The following TBC1D2B variants were observed in gnomAD, a reference collection of about 807,000 sequenced individuals.
The protein encoded by TBC1D2B is TBC1 domain family, member 2B.
In TBC1D2B, 64 loss-of-function variants were observed where a neutral mutation model predicts 100.8. That is an observed-to-expected ratio of 0.64 (90% CI 0.52 to 0.78). The LOEUF (loss-of-function observed/expected upper bound fraction) is 0.78. Ranked by LOEUF, TBC1D2B falls within the 30% of genes least tolerant of loss-of-function variation. The probability of loss-of-function intolerance (pLI) is 0.00; values close to 1 mark genes in which losing one functional copy is unlikely to be tolerated. For synonymous variants in TBC1D2B, 480 were observed against 479.7 expected (o/e 1.00, Z -0.01); for missense variants, 1,052 against 1,218.4 (o/e 0.86, Z 2.03).
chr15:78,034,734 C>T (rs1381457662), intron 3 of TBC1D2B: 1 of 985,336 alleles, frequency 1.0e-6, no homozygotes, highest in Non-Finnish European at 1.2e-6. Flanking sequence ...TGCTACTTGT[C>T]AAGTCCTGGA....
At chr15:78,050,458 T>C (rs2073290584) in intron 2 of TBC1D2B, among the ~76,000 whole-genome samples, 1 of 152,230 alleles carries the variant, frequency 6.6e-6, no homozygotes, top group African/African-American at 2.4e-5. Context: ...TGTTTTCTTA[T>C]TAGTTTATGT....
At position 78,077,263 on chromosome 15, in the gene TBC1D2B, C is replaced by T. The variant is rs544367420; in HGVS notation, c.360+30G>A. ...GAGGCAGGGGACGCCGGCGGAAGCG[C>T]GCGGGCGGCTTTGGGGCGAGCGGTC... On this transcript the variant is annotated intron_variant, in intron 1 of 12. Transcript: ENST00000300584. 1,892 of 1,405,940 alleles carry T rather than the reference C, an allele frequency of 1.3e-3. 29 individuals carry two copies. In the South Asian group the frequency reaches 0.02, roughly 15 times the overall value. 87.1% of individuals were successfully genotyped at this position (1,405,940 alleles called of 1,614,324 possible).
Position 78,009,109 on chromosome 15 carries a change from A to G in TBC1D2B, c.2276T>C (p.Val759Ala), listed in dbSNP as rs138379500. 22 of 1,595,044 alleles carry G rather than the reference A, an allele frequency of 1.4e-5. No individual in the cohort carries two copies. In the East Asian group the frequency reaches 4.7e-4, roughly 34 times the overall value. ...IGYCQGLNRL[V>A]AVALLYLEQE... is the part of the protein sequence containing the mutation. ...TTCCAGGTACAGGAGGGCCACTGCC[A>G]CCAACCTACAAGCAAAGGGAGGACA... Residue 759 changes from valine (V) to alanine (A), a missense_variant, in exon 10 of 13, where the codon GTG becomes GCG. Around this residue, in one of 4 missense-constraint regions of TBC1D2B, gnomAD observed 373 missense variants for 464.9 expected, o/e 0.80. Transcript: ENST00000300584.
rs1355777220 is a variant in TBC1D2B at position 77,996,707 on chromosome 15, C to CA, written c.*1452dup. 3.3e-5 allele frequency: 5 copies of CA among 152,262 alleles called. No individual in the cohort carries two copies. The Middle Eastern group carries it at 0.01, about 311-fold the overall frequency. The allele number at this position is 152,262 out of a possible 1,614,324, so 9.4% of individuals were successfully genotyped here. A position where few individuals can be genotyped will look rare whatever the true frequency, so the allele number is the denominator to read the frequency against. ...CGTGGCATTGCCAAAAAGTTGACAG[C>CA]AAAAAATAGGAAAAATACTTCTTAA... On this transcript the variant is annotated 3_prime_UTR_variant, in exon 13 of 13. Coordinates refer to ENST00000300584, the MANE Select transcript of TBC1D2B (RefSeq NM_144572.2).
rs148988188 is a variant in TBC1D2B at position 78,060,755 on chromosome 15, A to G, written c.361-6568T>C. The stretch of plus-strand genomic sequence containing the variant: ...AACATGGTGAAACCTCGTCTCTATT[A>G]AAAATACCAAAATTAGCCAGGTGTG... On this transcript the variant is annotated intron_variant, in intron 1 of 12. Coordinates refer to ENST00000300584, the MANE Select transcript of TBC1D2B (RefSeq NM_144572.2). 5.7e-3 allele frequency among the ~76,000 whole-genome samples: 868 copies of G among 152,088 alleles called. 8 individuals are homozygous for G. The highest frequency in any genetic ancestry group is 0.018 in the African/African-American group (747 of 41,450).
chr15:78,013,591 G>T (rs1200276999), intron 8 of TBC1D2B, among the ~76,000 whole-genome samples: 4 of 151,982 alleles, frequency 2.6e-5, no homozygotes, highest in Admixed American at 2.6e-4. Context: ...AATATGAAAC[G>T]CATGGAAGAA....
rs762395348 is a variant in TBC1D2B at position 78,017,927 on chromosome 15, T to C, written c.1501A>G (p.Lys501Glu). The stretch of plus-strand genomic sequence containing the variant: ...TCCAAAATCTCCTTATTTAGAAATT[T>C]GTTTTGGGTTTTGTACCCCTGTAGA... ...DNLQGYKTQN[K>E]FLNKEILELS... Residue 501 changes from lysine to glutamate, a missense_variant, in exon 7 of 13, where the codon AAA becomes GAA. By Grantham distance (56) the Lys-to-Glu change is moderately conservative. Transcript: ENST00000300584. 32 of 1,608,498 alleles carry C rather than the reference T, an allele frequency of 2.0e-5. No homozygotes were observed. The Admixed American group carries it at 2.5e-4, about 13-fold the overall frequency.
intron 1 of TBC1D2B, among the ~76,000 whole-genome samples, chr15:78,075,605 G>A (rs565889334): frequency 2.7e-4 from 41 of 152,280 alleles, no homozygotes; most frequent in Middle Eastern, 3.4e-3. Context: ...GGGACAGCCC[G>A]TATGTACACT....
At chr15:78,053,988 G>C in intron 2 of TBC1D2B, 46 bp downstream of exon 2, 1 of 1,569,562 alleles carries the variant, frequency 6.4e-7, no homozygotes, top group Non-Finnish European at 8.6e-7. Context: ...GGTATCGAAT[G>C]GCTTACACAA....
rs1266644412 is a variant in TBC1D2B at position 78,077,525 on chromosome 15, T to C, written c.128A>G (p.Lys43Arg). Residue 43 changes from lysine (K) to arginine (R), a missense_variant, in exon 1 of 13, where the codon AAG becomes AGG. Lys to Arg is a conservative substitution (Grantham distance 26). Coordinates refer to ENST00000300584, the MANE Select transcript of TBC1D2B (RefSeq NM_144572.2). The part of the protein sequence containing the change: ...EPARLCGYLQ[K>R]LSGKGPLRGY... ...ACGCAGGGGGCCCTTGCCCGACAGC[T>C]TCTGCAGATAGCCACACAGCCGCGC... is the stretch of plus-strand genomic sequence containing the variant. The C allele has an allele frequency of 8.5e-6, 13 of 1,522,266 alleles. No individual in the cohort carries two copies. The highest frequency in any genetic ancestry group is 4.9e-5 in the South Asian group (4 of 81,338). 94.3% of individuals were successfully genotyped at this position (1,522,266 alleles called of 1,614,324 possible).
chr15:78,033,970 CAA>C (rs2072882871), intron 3 of TBC1D2B, among the ~76,000 whole-genome samples: 1 of 152,216 alleles, frequency 6.6e-6, no homozygotes, highest in African/African-American at 2.4e-5. Context: ...ACTGCTTTAA[CAA>C]AGAGTCACCA....
At chr15:78,030,234 T>C in intron 3 of TBC1D2B, 64 bp from the exon 4 acceptor site, 1 of 1,420,488 alleles carries the variant, frequency 7.0e-7, no homozygotes, top group Admixed American at 2.4e-5. Flanking sequence ...TAATCTCATG[T>C]ATATAGGATT....
chr15:78,024,186 G>C lies in TBC1D2B; in HGVS notation c.1440C>G (p.Ala480=), dbSNP rs371924190. The C allele has an allele frequency of 1.3e-5, 21 of 1,613,466 alleles. No individual in the cohort carries two copies. Among genetic ancestry groups the C allele is most frequent in the Non-Finnish European group, 1.8e-5 (21 of 1,179,816 alleles). Residue 480 remains alanine, a synonymous_variant, in exon 6 of 13, where the codon GCC becomes GCG. Coordinates refer to ENST00000300584, the MANE Select transcript of TBC1D2B (RefSeq NM_144572.2). ...GCCTGTCCAGTTCCAGCTGGTCCCT[G>C]GCAACAGGCACAACCGAAGGGGAGC... ...APSSPSVVPV[A]RDQLELDRLK...
At position 78,077,394 on chromosome 15, in the gene TBC1D2B, C is replaced by A; in HGVS notation, c.259G>T (p.Ala87Ser). The part of the protein sequence containing the change: ...LPLGHLDIAD[A>S]CFSYQGPDEA... Reference sequence around the variant, plus strand: ...TCGGGGCCCTGGTAGCTGAAGCAGGCGTCCGCGATGTCCAAGTGGCCGAGG... The same window carrying A: ...TCGGGGCCCTGGTAGCTGAAGCAGGAGTCCGCGATGTCCAAGTGGCCGAGG... Residue 87 changes from alanine (A) to serine (S), a missense_variant, in exon 1 of 13, where the codon GCC becomes TCC. Physicochemically the swap from Ala to Ser is moderately conservative, Grantham distance 99 (BLOSUM62 1). Transcript: ENST00000300584. 6.5e-7 allele frequency: 1 copy of A among 1,544,876 alleles called. No homozygotes were observed. Among genetic ancestry groups the A allele is most frequent in the Non-Finnish European group, 8.7e-7 (1 of 1,144,928 alleles).
At chr15:78,036,129 G>C (rs1432236364) in intron 3 of TBC1D2B, among the ~76,000 whole-genome samples, 5 of 152,246 alleles carry the variant, frequency 3.3e-5, no homozygotes, top group African/African-American at 1.2e-4. Flanking sequence ...TACACACAGA[G>C]CGAAGTTCAG....
intron 1 of TBC1D2B, among the ~76,000 whole-genome samples, chr15:78,058,002 A>G (rs2141818353): frequency 6.6e-6 from 1 of 152,362 alleles, no homozygotes; most frequent in Non-Finnish European, 1.5e-5. Context: ...AAATTGGTTC[A>G]GATCTGCCCT....
At chr15:77,998,430 T>G (rs545303524) in intron 12 of TBC1D2B, 75 bp from the exon 13 acceptor site, 1 of 1,383,946 alleles carries the variant, frequency 7.2e-7, no homozygotes, top group African/African-American at 1.5e-5. Flanking sequence ...CTCACAGGCA[T>G]AGCAGGTGGC....
intron 1 of TBC1D2B, among the ~76,000 whole-genome samples, chr15:78,076,860 T>C (rs1015366072): frequency 1.3e-5 from 2 of 152,244 alleles, no homozygotes; most frequent in Non-Finnish European, 2.9e-5. Flanking sequence ...TGTTATCCCA[T>C]TTTACAGAGG....
chr15:77,995,262 G>A lies in TBC1D2B; in HGVS notation c.*2898C>T, dbSNP rs2071718614. 6.6e-6 allele frequency: 1 copy of A among 152,232 alleles called. No individual in the cohort carries two copies. Among genetic ancestry groups the A allele is most frequent in the East Asian group, 1.9e-4 (1 of 5,190 alleles). The allele number at this position is 152,232 out of a possible 1,614,324, so 9.4% of individuals were successfully genotyped here. A position where few individuals can be genotyped will look rare whatever the true frequency, so the allele number is the denominator to read the frequency against. ...TATAGGATGGCAGGTGGGGATCTGT[G>A]CAATACAAACATGTAGCTAGAAAAC... On this transcript the variant is annotated 3_prime_UTR_variant, in exon 13 of 13. Coordinates refer to ENST00000300584, the MANE Select transcript of TBC1D2B (RefSeq NM_144572.2).
Sources: gnomAD v4.1 joint callset for allele counts (sites outside exome capture counted in the v4.1 genomes callset) on GRCh38, gnomAD v4.1.1 for gene constraint, gnomAD v4.1.1 regional missense constraint, MANE v1.5 for transcripts, NCBI Gene and HGNC (gene_info 2026-07-23, HGNC 2026-07-21) for gene names.